Variants in NTMT1 observed in about 807,000 individuals in gnomAD.
NTMT1 encodes N-terminal Xaa-Pro-Lys N-methyltransferase 1, also known as N-terminal RCC1 methyltransferase.
A neutral mutation model predicts 17.5 loss-of-function variants in NTMT1; 8 were observed. The ratio of observed to expected loss-of-function variants is 0.46; its 90% CI spans 0.27 to 0.82. NTMT1 has a LOEUF of 0.82. Among genes scored for constraint, NTMT1 ranks in the 40% least tolerant of loss-of-function variants. NTMT1 has a pLI of 0.15. For synonymous variants in NTMT1, 128 were observed against 126.8 expected, an observed-to-expected ratio of 1.01 and a Z score of -0.06; for missense variants, 221 against 303.5, an observed-to-expected ratio of 0.73 and a Z score of 2.02.
chr9:129,625,672 C>T (rs1450883504), upstream of NTMT1, among the ~76,000 whole-genome samples: 3 of 152,066 alleles, frequency 2.0e-5, no homozygotes, highest in Non-Finnish European at 4.4e-5. Flanking sequence ...TCAAGATCAG[C>T]CTGAGCAACA....
In NTMT1 at chr9:129,635,532, C is replaced by G. The variant is rs1397099232; in HGVS notation, c.*68C>G. Reference sequence around the variant, plus strand: ...GGGGGAGCTGGCAGCTGGGCAAGATCCAGGCGCCACGCTGGCGGTTCGTGA... The same window carrying G: ...GGGGGAGCTGGCAGCTGGGCAAGATGCAGGCGCCACGCTGGCGGTTCGTGA... On this transcript the variant is annotated 3_prime_UTR_variant, in exon 4 of 4. Coordinates refer to ENST00000372483, the MANE Select transcript of NTMT1 (RefSeq NM_014064.4). 27 of 1,541,890 alleles carry G rather than the reference C, an allele frequency of 1.8e-5. No individual in the cohort carries two copies. Among genetic ancestry groups the G allele is most frequent in the Non-Finnish European group, 2.3e-5 (26 of 1,140,530 alleles).
chr9:129,634,143 CAG>C lies in NTMT1; in HGVS notation c.257_258del (p.Glu86GlyfsTer102). On this transcript the variant is annotated frameshift_variant, in exon 3 of 4. Coordinates refer to ENST00000372483, the MANE Select transcript of NTMT1 (RefSeq NM_014064.4). LOFTEE classifies it high-confidence loss of function. ...CCAAGCGGCTGCTCCTGCCGCTGTT[CAG>C]AGAGGTGGATATGGTCGACATAACG... ...ITKRLLLPLF[R>X]EVDMVDITED... The C allele has an allele frequency of 6.2e-7, 1 of 1,614,138 alleles. No individual in the cohort carries two copies. The highest frequency in any genetic ancestry group is 8.5e-7 in the Non-Finnish European group (1 of 1,180,014).
chr9:129,627,138 CTA>C (rs1830940687), intron 1 of NTMT1, among the ~76,000 whole-genome samples: 2 of 152,256 alleles, frequency 1.3e-5, no homozygotes, highest in African/African-American at 2.4e-5. Context: ...TGGTTTTTCT[CTA>C]TGTAAACTGA....
chr9:129,630,313 A>T (rs759888881), intron 1 of NTMT1, among the ~76,000 whole-genome samples: 8 of 152,148 alleles, frequency 5.3e-5, no homozygotes, highest in Non-Finnish European at 1.0e-4. Flanking sequence ...TATCTACAGA[A>T]AATACAAAAG....
intron 1 of NTMT1, among the ~76,000 whole-genome samples, chr9:129,611,909 C>T (rs971713034): frequency 2.0e-5 from 3 of 151,956 alleles, no homozygotes; most frequent in Non-Finnish European, 4.4e-5. Flanking sequence ...TGGAGCACCA[C>T]GCCCAGCTAT....
At chr9:129,632,622 G>A (rs533933494) in intron 1 of NTMT1, 28 bp from the exon 2 acceptor site, 91 of 1,548,472 alleles carry the variant, frequency 5.9e-5, no homozygotes, top group Non-Finnish European at 7.0e-5. Flanking sequence ...TCCCTGGCCC[G>A]CTGACTCACG....
rs1356154235 is a variant in NTMT1 at position 129,613,907 on chromosome 9, A to G, written c.-55+4729A>G. Among the ~76,000 whole-genome samples, 5 of 152,238 alleles carry G rather than the reference A, an allele frequency of 3.3e-5. No individual in the cohort carries two copies. In the South Asian group the frequency reaches 6.2e-4, roughly 19 times the overall value. On this transcript the variant is annotated intron_variant, in intron 1 of 3. Coordinates refer to the NTMT1 transcript ENST00000372486. The surrounding 1 kb of genome is among the most constrained non-coding windows in gnomAD (Gnocchi z 6.2). ...TAGAAATCCCAGAAACCATGCTGAG[A>G]GCGTTGAGGGCTTCAGGGAGGGCTG...
intron 1 of NTMT1, among the ~76,000 whole-genome samples, chr9:129,617,303 A>G (rs35234944): frequency 1.3e-4 from 20 of 152,324 alleles, no homozygotes; most frequent in Non-Finnish European, 2.4e-4. Flanking sequence ...GCCTGGCTAC[A>G]TGCCTTGGGA....
At position 129,635,246 on chromosome 9, in the gene NTMT1, C is replaced by T. The variant is rs758319961; in HGVS notation, c.454C>T (p.Arg152Cys). ...TCAGCACCTGGCCGAGTTCCTGCGG[C>T]GCTGCAAGGGCAGCCTCCGCCCCAA... ...TDQHLAEFLR[R>C]CKGSLRPNGI... The change falls in exon 4 of 4, where the codon CGC becomes TGC. Residue 152 changes from arginine to cysteine, a missense_variant. Arg to Cys is a radical substitution (Grantham distance 180). Transcript: ENST00000372483. 1.2e-5 allele frequency: 20 copies of T among 1,612,432 alleles called. No homozygotes were observed. The highest frequency in any genetic ancestry group is 1.4e-5 in the Non-Finnish European group (16 of 1,180,022).
chr9:129,613,621 G>A lies in NTMT1; in HGVS notation c.-55+4443G>A, dbSNP rs775692322. 1.9e-6 allele frequency: 3 copies of A among 1,613,570 alleles called. No homozygotes were observed. Among genetic ancestry groups the A allele is most frequent in the Non-Finnish European group, 2.5e-6 (3 of 1,179,866 alleles). ...GACTGCAGGAAAGAGGGCAGGGTGA[G>A]ATCTCTGCCCAGGAGGAGGGCACTG... On this transcript the variant is annotated intron_variant, in intron 1 of 3. Coordinates refer to the NTMT1 transcript ENST00000372486. The surrounding 1 kb of genome is among the most constrained non-coding windows in gnomAD (Gnocchi z 6.2).
rs1044144872 is a variant in NTMT1, at chr9:129,613,835, G to A, written c.-55+4657G>A. Among the ~76,000 whole-genome samples, 4 of 152,216 alleles carry A rather than the reference G, an allele frequency of 2.6e-5. No individual in the cohort carries two copies. The highest frequency in any genetic ancestry group is 1.9e-4 in the East Asian group (1 of 5,192). On this transcript the variant is annotated intron_variant, in intron 1 of 3. Coordinates refer to the NTMT1 transcript ENST00000372486. This position sits in a 1 kb window ranked among gnomAD's most constrained non-coding sequence, Gnocchi z 6.2. ...GCGCACCCCCACTCACGCTGCAGCC[G>A]GAAGCGTGCCCCCTTTCTCGCAGTG... is the stretch of plus-strand genomic sequence containing the variant.
In NTMT1 at chr9:129,613,417, G is replaced by A. The variant is rs57250395; in HGVS notation, c.-55+4239G>A. 2.3e-3 allele frequency: 3,640 copies of A among 1,611,034 alleles called. 75 individuals carry two copies. The African/African-American group carries it at 0.041, about 18-fold the overall frequency. ...CTGGCAATGTCCACGAGTCCCATCC[G>A]CTTCCCTGGAGCCTCACAGGCCAGC... On this transcript the variant is annotated intron_variant, in intron 1 of 3. Transcript: ENST00000372486. The surrounding 1 kb of genome is among the most constrained non-coding windows in gnomAD (Gnocchi z 6.2).
At chr9:129,610,300 GCC>G (rs578072587) in intron 1 of NTMT1, among the ~76,000 whole-genome samples, 14 of 120,602 alleles carry the variant, frequency 1.2e-4, no homozygotes, top group African/African-American at 3.9e-4. Flanking sequence ...TGCAGGCCCC[GCC>G]CCCCCCCCAC....
At chr9:129,627,343 A>G (rs1220628485) in intron 1 of NTMT1, among the ~76,000 whole-genome samples, 2 of 152,178 alleles carry the variant, frequency 1.3e-5, no homozygotes, top group Non-Finnish European at 2.9e-5. Context: ...TACCAGTAAC[A>G]GTCCCCTAGG....
chr9:129,623,879 C>T (rs552846615), upstream of NTMT1, among the ~76,000 whole-genome samples: 7 of 145,422 alleles, frequency 4.8e-5, no homozygotes, highest in South Asian at 6.5e-4. Context: ...CTGCAAGCTC[C>T]GCATCCTGGG....
At chr9:129,624,751 T>G (rs1038510840), upstream of NTMT1, among the ~76,000 whole-genome samples, 11 of 152,178 alleles carry the variant, frequency 7.2e-5, no homozygotes, top group Admixed American at 7.2e-4. Context: ...TGCCTCAGCC[T>G]CAGAGTAGCT....
intron 1 of NTMT1, chr9:129,619,540 G>A (rs762025765): frequency 1.2e-5 from 20 of 1,613,812 alleles, no homozygotes; most frequent in Non-Finnish European, 1.6e-5. Flanking sequence ...TTCTGACAGT[G>A]GTGAATTGTG....
chr9:129,615,535 C>T, intron 1 of NTMT1: 1 of 1,611,016 alleles, frequency 6.2e-7, no homozygotes, highest in Non-Finnish European at 8.5e-7. Context: ...AGGGTCTCGT[C>T]AGCGAATCGC....
intron 1 of NTMT1, among the ~76,000 whole-genome samples, chr9:129,627,316 G>C (rs1488546417): frequency 6.6e-6 from 1 of 152,116 alleles, no homozygotes; most frequent in African/African-American, 2.4e-5. Context: ...TGAGTCTGCT[G>C]GCTTGGCCGC....
Sources: gnomAD v4.1 joint callset for allele counts (sites outside exome capture counted in the v4.1 genomes callset) on GRCh38, gnomAD v4.1.1 for gene constraint, Gnocchi (gnomAD v3.1) non-coding constraint, MANE v1.5 for transcripts, NCBI Gene and HGNC (gene_info 2026-07-23, HGNC 2026-07-21) for gene names.